RSRC1: variants seen among roughly 807,000 people sequenced by gnomAD.
The protein encoded by RSRC1 is arginine and serine rich coiled-coil 1, also known as serine/Arginine-related protein 53.
In RSRC1, 39 loss-of-function variants were observed where a neutral mutation model predicts 49.1. The observed-to-expected ratio is 0.79, with a 90% CI of 0.61 to 1.04. RSRC1 has a LOEUF of 1.04. Ranked by LOEUF, RSRC1 falls within the 50% of genes least tolerant of loss-of-function variation. The pLI is 0.00. For synonymous variants in RSRC1, 143 were observed against 130.8 expected (o/e 1.09, Z -0.63); for missense variants, 388 against 402.4 (o/e 0.96, Z 0.31).
At chr3:158,390,355 A>G (rs6414390) in intron 6 of RSRC1, among the ~76,000 whole-genome samples, 79,045 of 151,742 alleles carry the variant, frequency 0.52, 20,975 homozygotes, top group African/African-American at 0.61. Context: ...CCAGGGCCCA[A>G]TCTGAATGGA....
At chr3:158,179,612 A>G (rs1035232904) in intron 3 of RSRC1, among the ~76,000 whole-genome samples, 1 of 152,152 alleles carries the variant, frequency 6.6e-6, no homozygotes, top group African/African-American at 2.4e-5. Context: ...ATCTCACGGT[A>G]TGGTTGTACC....
intron 4 of RSRC1, among the ~76,000 whole-genome samples, chr3:158,286,988 G>A (rs55818809): frequency 9.2e-5 from 14 of 152,042 alleles, no homozygotes; most frequent in Admixed American, 5.9e-4. Flanking sequence ...CACCACACCC[G>A]GCCAATTTTT....
chr3:158,387,024 A>G (rs889635515), intron 6 of RSRC1, among the ~76,000 whole-genome samples: 4 of 152,064 alleles, frequency 2.6e-5, no homozygotes, highest in Admixed American at 2.6e-4. Flanking sequence ...ACTGTGTAAT[A>G]TAACCCGAAG....
rs1727334575 is a variant in RSRC1 at position 158,298,039 on chromosome 3, G to A, written c.495G>A (p.Gly165=). 1 of 1,600,394 alleles carries A rather than the reference G, an allele frequency of 6.2e-7. No homozygotes were observed. The highest frequency in any genetic ancestry group is 2.2e-5 in the East Asian group (1 of 44,582). The change falls in exon 5 of 10, where the codon GGG becomes GGA. Residue 165 remains glycine (G), a splice_region_variant and synonymous_variant. Transcript: ENST00000611884. ...KDKELHNIKR[G]ESGNIKAGLE... ...TAGAACTTTTACTCTTCTATTTTAG[G>A]GAATCTGGAAACATCAAAGCTGGAT...
At chr3:158,230,660 AGTT>A (rs376361358) in intron 4 of RSRC1, among the ~76,000 whole-genome samples, 5 of 152,164 alleles carry the variant, frequency 3.3e-5, no homozygotes, top group African/African-American at 9.7e-5. Flanking sequence ...TTACCTAAAG[AGTT>A]GTTATGATAC....
chr3:158,264,071 C>A (rs1249017416), intron 4 of RSRC1, among the ~76,000 whole-genome samples: 1 of 151,838 alleles, frequency 6.6e-6, no homozygotes, highest in Admixed American at 6.6e-5. Flanking sequence ...TTTCTTTTTA[C>A]TGCTTACTTT....
chr3:158,509,993 A>C (rs1447530579), intron 7 of RSRC1, among the ~76,000 whole-genome samples: 1 of 152,164 alleles, frequency 6.6e-6, no homozygotes, highest in Non-Finnish European at 1.5e-5. Flanking sequence ...CTTCAGTTCA[A>C]CCACATAGTG....
chr3:158,124,253 G>A (rs1326578299), intron 3 of RSRC1, among the ~76,000 whole-genome samples: 1 of 152,152 alleles, frequency 6.6e-6, no homozygotes, highest in Non-Finnish European at 1.5e-5. Context: ...TCATTGTCCA[G>A]TAGGCTAGAT....
chr3:158,386,421 C>T (rs780803242), intron 6 of RSRC1, among the ~76,000 whole-genome samples: 1 of 151,888 alleles, frequency 6.6e-6, no homozygotes, highest in East Asian at 1.9e-4. Context: ...AAGTAAATCC[C>T]TCTTTGCCCA....
chr3:158,516,868 G>A (rs952613152), intron 7 of RSRC1, among the ~76,000 whole-genome samples: 7 of 152,190 alleles, frequency 4.6e-5, no homozygotes, highest in African/African-American at 1.2e-4. Flanking sequence ...TCCAGGTGCC[G>A]TCTGTCACCC....
At chr3:158,358,896 A>T (rs987994466) in intron 6 of RSRC1, among the ~76,000 whole-genome samples, 6 of 136,422 alleles carry the variant, frequency 4.4e-5, no homozygotes, top group African/African-American at 1.7e-4. Context: ...ATGTGTGTGT[A>T]TGTGTGTATA....
intron 4 of RSRC1, among the ~76,000 whole-genome samples, chr3:158,287,101 C>G (rs920691752): frequency 2.0e-5 from 3 of 152,214 alleles, no homozygotes; most frequent in African/African-American, 7.2e-5. Context: ...GCTGGGATTA[C>G]AGGCGTGAGT....
intron 7 of RSRC1, among the ~76,000 whole-genome samples, chr3:158,481,129 G>A (rs1738596031): frequency 6.6e-6 from 1 of 152,066 alleles, no homozygotes; most frequent in Non-Finnish European, 1.5e-5. Context: ...AGGAAGTAGT[G>A]TCGTTTATAT....
intron 5 of RSRC1, among the ~76,000 whole-genome samples, chr3:158,326,206 C>T (rs62289485): frequency 5.3e-5 from 8 of 152,036 alleles, no homozygotes; most frequent in South Asian, 2.1e-4. Flanking sequence ...CTTTTCCTAA[C>T]TGAATACCCT....
chr3:158,487,949 G>GAAAAAAAAAAAA (rs58689210), intron 7 of RSRC1, among the ~76,000 whole-genome samples: 565 of 28,902 alleles, frequency 0.02, 71 homozygotes, highest in African/African-American at 0.021. Flanking sequence ...TCCATCTCAA[G>GAAAAAAAAAAAA]AAAAAAAAAA....
At chr3:158,345,157 G>A (rs2108221766) in intron 5 of RSRC1, among the ~76,000 whole-genome samples, 1 of 152,052 alleles carries the variant, frequency 6.6e-6, no homozygotes, top group East Asian at 1.9e-4. Flanking sequence ...AACCCAGGAG[G>A]CAGAAGTTGC....
At chr3:158,253,615 T>C (rs1429721112) in intron 4 of RSRC1, among the ~76,000 whole-genome samples, 1 of 152,196 alleles carries the variant, frequency 6.6e-6, no homozygotes, top group Non-Finnish European at 1.5e-5. Context: ...TCAAATTTTC[T>C]TTGTTGATTT....
intron 5 of RSRC1, among the ~76,000 whole-genome samples, chr3:158,304,245 G>A (rs780536251): frequency 6.6e-6 from 1 of 152,122 alleles, no homozygotes; most frequent in Non-Finnish European, 1.5e-5. Context: ...CAGGCCCATT[G>A]CTATTAGGTA....
intron 3 of RSRC1, among the ~76,000 whole-genome samples, chr3:158,147,913 C>T (rs1207681036): frequency 1.3e-5 from 2 of 152,140 alleles, no homozygotes; most frequent in Admixed American, 6.5e-5. Flanking sequence ...CAATCCATTG[C>T]AGACTAATAT....
Sources: gnomAD v4.1 joint callset for allele counts (sites outside exome capture counted in the v4.1 genomes callset) on GRCh38, gnomAD v4.1.1 for gene constraint, MANE v1.5 for transcripts, NCBI Gene and HGNC (gene_info 2026-07-23, HGNC 2026-07-21) for gene names.